PLCL2: variants seen among roughly 807,000 people sequenced by gnomAD.
The protein encoded by PLCL2 is phospholipase C like 2.
A neutral mutation model predicts 79.6 loss-of-function variants in PLCL2; 4 were observed. That is an observed-to-expected ratio of 0.05 (90% CI 0.02 to 0.11). The LOEUF is 0.11. PLCL2 is among the 10% of genes least tolerant of loss of function. The pLI, the probability that PLCL2 is intolerant of heterozygous loss-of-function variation, is 1.00. For synonymous variants in PLCL2, 484 were observed against 457.7 expected (o/e 1.06, Z -0.73); for missense variants, 895 against 1,291.0 (o/e 0.69, Z 4.70).
intron 1 of PLCL2, among the ~76,000 whole-genome samples, chr3:16,929,648 C>G (rs898541351): frequency 1.3e-5 from 2 of 152,190 alleles, no homozygotes; most frequent in Non-Finnish European, 2.9e-5. Flanking sequence ...GAATAGCAAA[C>G]TTTCCTCTTT....
chr3:17,025,907 C>T (rs557685929), intron 3 of PLCL2, among the ~76,000 whole-genome samples: 3 of 152,258 alleles, frequency 2.0e-5, no homozygotes, highest in African/African-American at 4.8e-5. Flanking sequence ...GAAGACTCAC[C>T]GTCACCCTCA....
chr3:17,078,429 C>T (rs942956645), intron 5 of PLCL2, among the ~76,000 whole-genome samples: 2 of 149,502 alleles, frequency 1.3e-5, no homozygotes, highest in African/African-American at 4.9e-5. Context: ...GGCTGGATCT[C>T]ATCTGGGGTG....
intron 5 of PLCL2, among the ~76,000 whole-genome samples, chr3:17,070,366 A>T (rs968870926): frequency 2.6e-5 from 4 of 152,236 alleles, no homozygotes; most frequent in East Asian, 3.8e-4. Context: ...TTTAGAAGTA[A>T]TTGGACCAAA....
intron 1 of PLCL2, among the ~76,000 whole-genome samples, chr3:16,986,260 T>C (rs2124991938): frequency 6.6e-6 from 1 of 152,228 alleles, no homozygotes; most frequent in African/African-American, 2.4e-5. Flanking sequence ...CTCAGAGGAG[T>C]TGGGTTCACA....
At chr3:17,081,759 C>A (rs2065164487) in intron 5 of PLCL2, among the ~76,000 whole-genome samples, 2 of 152,156 alleles carry the variant, frequency 1.3e-5, no homozygotes, top group African/African-American at 4.8e-5. Context: ...ACAGGCTCAG[C>A]CAGAAAAAGC....
chr3:17,012,992 T>C (rs114433593), intron 2 of PLCL2, among the ~76,000 whole-genome samples: 1,746 of 152,360 alleles, frequency 0.011, 16 homozygotes, highest in Middle Eastern at 0.02. Context: ...AAAATCTGAC[T>C]GAGAAAATTC....
At chr3:17,021,319 A>G (rs1251372785) in intron 3 of PLCL2, among the ~76,000 whole-genome samples, 1 of 152,168 alleles carries the variant, frequency 6.6e-6, no homozygotes, top group Admixed American at 6.6e-5. Flanking sequence ...AAAACCATTG[A>G]TGAGCCATTT....
intron 1 of PLCL2, among the ~76,000 whole-genome samples, chr3:16,940,151 T>C (rs1411759694): frequency 6.6e-6 from 1 of 152,106 alleles, no homozygotes; most frequent in Non-Finnish European, 1.5e-5. Flanking sequence ...CGTCCAGATG[T>C]CCCTCCCGGC....
rs1290862420 is a variant in PLCL2 at position 17,014,734 on chromosome 3, G to A, written c.2841G>A (p.Leu947=). The A allele has an allele frequency of 1.9e-6, 3 of 1,614,046 alleles. No individual in the cohort carries two copies. The highest frequency in any genetic ancestry group is 1.1e-5 in the South Asian group (1 of 91,082). The change falls in exon 3 of 6, where the codon CTG becomes CTA. Residue 947 remains leucine (L), a synonymous_variant. Transcript: ENST00000615277. ...ATGCGGTGGTGTCATTCAAGGAGCT[G>A]TGTGGCCTCTCCTCTGTGGCCAATC... ...MQNAVVSFKE[L]CGLSSVANLM...
intron 1 of PLCL2, among the ~76,000 whole-genome samples, chr3:16,895,815 C>T (rs1696466507): frequency 6.6e-6 from 1 of 152,174 alleles, no homozygotes; most frequent in Non-Finnish European, 1.5e-5. Context: ...GCTTGAGTCT[C>T]CCAAGCATAA....
rs546347838 is a variant in PLCL2, at chr3:17,024,863, G to T, written c.3018+9952G>T. ...TTCAATCTGTGCTGTGGGCACAGAGGCGGCTGTGCCAGCTTGTGCTGGCTA... is the reference window on the plus strand; with the variant it reads ...TTCAATCTGTGCTGTGGGCACAGAGTCGGCTGTGCCAGCTTGTGCTGGCTA... On this transcript the variant is annotated intron_variant, in intron 3 of 5. Transcript: ENST00000615277. Among the ~76,000 whole-genome samples the T allele has an allele frequency of 1.3e-5, 2 of 152,320 alleles. 1 individual carries two copies. Among genetic ancestry groups the T allele is most frequent in the South Asian group, 4.1e-4 (2 of 4,826 alleles).
At chr3:17,058,152 G>T (rs538696923) in intron 4 of PLCL2, among the ~76,000 whole-genome samples, 7 of 152,284 alleles carry the variant, frequency 4.6e-5, no homozygotes, top group Admixed American at 2.6e-4. Flanking sequence ...TCAAGAAGGT[G>T]GTTTGTCTAA....
intron 1 of PLCL2, among the ~76,000 whole-genome samples, chr3:16,984,876 G>A (rs1411505630): frequency 6.6e-6 from 1 of 151,962 alleles, no homozygotes; most frequent in Non-Finnish European, 1.5e-5. Context: ...AGCTTGCAGT[G>A]AGCCAAGATC....
At chr3:16,943,415 C>T (rs754525253) in intron 1 of PLCL2, among the ~76,000 whole-genome samples, 3 of 152,140 alleles carry the variant, frequency 2.0e-5, no homozygotes, top group Admixed American at 6.5e-5. Context: ...TCCTGAGAGC[C>T]CCAAGCTGGG....
intron 1 of PLCL2, among the ~76,000 whole-genome samples, chr3:16,949,986 A>G (rs1408848336): frequency 6.6e-6 from 1 of 152,108 alleles, no homozygotes; most frequent in Non-Finnish European, 1.5e-5. Flanking sequence ...TGGAATATGC[A>G]TTTTGTTCTA....
At chr3:17,050,231 T>C (rs1320548065) in intron 4 of PLCL2, among the ~76,000 whole-genome samples, 1 of 152,112 alleles carries the variant, frequency 6.6e-6, no homozygotes, top group Non-Finnish European at 1.5e-5. Flanking sequence ...CAAGAAAACA[T>C]TGGGGAAACT....
At position 17,011,709 on chromosome 3, in the gene PLCL2, A is replaced by G; in HGVS notation, c.2363A>G (p.His788Arg). Residue 788 changes from histidine to arginine, a missense_variant, in exon 2 of 6, where the codon CAT becomes CGT. His to Arg is a conservative substitution (Grantham distance 29, BLOSUM62 0). Transcript: ENST00000615277. This position sits in a 1 kb window ranked among gnomAD's most constrained non-coding sequence, Gnocchi z 7.9. ...GATCCTTATGTCTATGTTGAAATCC[A>G]TGGAATCCCTGCTGATTGTGCAGAA... Reference protein sequence around the residue: ...VVDPYVYVEIHGIPADCAEQR... With the variant: ...VVDPYVYVEIRGIPADCAEQR... The G allele has an allele frequency of 6.2e-7, 1 of 1,614,138 alleles. No individual in the cohort carries two copies. The highest frequency in any genetic ancestry group is 8.5e-7 in the Non-Finnish European group (1 of 1,180,004).
chr3:16,915,872 A>C (rs1229443492), intron 1 of PLCL2, among the ~76,000 whole-genome samples: 1 of 152,218 alleles, frequency 6.6e-6, no homozygotes, highest in African/African-American at 2.4e-5. Context: ...AGAGAGAAGG[A>C]GGGACGCCTC....
intron 1 of PLCL2, among the ~76,000 whole-genome samples, chr3:16,954,111 G>A (rs2063678969): frequency 6.6e-6 from 1 of 152,020 alleles, no homozygotes; most frequent in Admixed American, 6.6e-5. Flanking sequence ...GTGCCATGTT[G>A]GTGTGCTGCA....
Sources: gnomAD v4.1 joint callset for allele counts (sites outside exome capture counted in the v4.1 genomes callset) on GRCh38, gnomAD v4.1.1 for gene constraint, Gnocchi (gnomAD v3.1) non-coding constraint, MANE v1.5 for transcripts, NCBI Gene and HGNC (gene_info 2026-07-23, HGNC 2026-07-21) for gene names.